Variants in TBC1D5 observed in about 807,000 individuals in gnomAD.
TBC1D5 encodes TBC1 domain family member 5, also known as TBC1 domain family, member 5.
TBC1D5 carries 75 observed loss-of-function variants against 100.3 expected under a neutral mutation model. The observed-to-expected ratio is 0.75, with a 90% CI of 0.62 to 0.91. The LOEUF (loss-of-function observed/expected upper bound fraction) is 0.91. Among genes scored for constraint, TBC1D5 ranks in the 40% least tolerant of loss-of-function variants. The pLI is 0.00. For synonymous variants in TBC1D5, 323 were observed against 325.6 expected (o/e 0.99, Z 0.09); for missense variants, 910 against 942.4 (o/e 0.97, Z 0.45).
chr3:17,391,386 G>T (rs1359518265), intron 8 of TBC1D5, among the ~76,000 whole-genome samples: 1 of 151,986 alleles, frequency 6.6e-6, no homozygotes, highest in Non-Finnish European at 1.5e-5. Context: ...CCACGTGACT[G>T]CAATCTCATG....
intron 1 of TBC1D5, among the ~76,000 whole-genome samples, chr3:17,698,238 G>T (rs568597106): frequency 6.6e-6 from 1 of 152,078 alleles, no homozygotes; most frequent in African/African-American, 2.4e-5. Flanking sequence ...AAATAACGCC[G>T]CATATCTACA....
chr3:17,705,274 C>G (rs1198056902), intron 1 of TBC1D5, among the ~76,000 whole-genome samples: 2 of 78,288 alleles, frequency 2.6e-5, no homozygotes. Flanking sequence ...TCCCGGACGG[C>G]ACGGCTGGCC....
chr3:17,498,600 T>C (rs1173401416), intron 3 of TBC1D5, among the ~76,000 whole-genome samples: 1 of 152,112 alleles, frequency 6.6e-6, no homozygotes, highest in Non-Finnish European at 1.5e-5. Flanking sequence ...AAATGAGACA[T>C]ACAATTTATA....
chr3:17,418,540 G>A lies in TBC1D5; in HGVS notation c.167+9910C>T, dbSNP rs147630691. ...TGAGAATCACTTGAACCCAGGAAGT[G>A]AAGGTTGCAGTGGGCTGAGATGGCC... On this transcript the variant is annotated intron_variant, in intron 4 of 21. Coordinates refer to ENST00000253692, the Ensembl canonical transcript of TBC1D5. Among the ~76,000 whole-genome samples, 238 of 152,124 alleles carry A rather than the reference G, an allele frequency of 1.6e-3. 2 individuals carry two copies. The highest frequency in any genetic ancestry group is 5.3e-3 in the African/African-American group (220 of 41,484).
intron 1 of TBC1D5, among the ~76,000 whole-genome samples, chr3:17,708,335 A>C (rs1316980797): frequency 2.0e-5 from 3 of 152,222 alleles, no homozygotes; most frequent in African/African-American, 7.2e-5. Context: ...CGAATCACAT[A>C]TGCATAGCAC....
At chr3:17,432,905 A>C (rs2094468419) in intron 3 of TBC1D5, among the ~76,000 whole-genome samples, 1 of 152,238 alleles carries the variant, frequency 6.6e-6, no homozygotes, top group South Asian at 2.1e-4. Context: ...CTGAAAAACA[A>C]AAAGTAACTT....
At chr3:17,527,669 T>G (rs890862432) in intron 2 of TBC1D5, among the ~76,000 whole-genome samples, 5 of 151,784 alleles carry the variant, frequency 3.3e-5, no homozygotes, top group Non-Finnish European at 5.9e-5. Context: ...TATGAGAAAG[T>G]ACAAAATAAG....
chr3:17,676,826 A>G (rs1307347082), intron 1 of TBC1D5, among the ~76,000 whole-genome samples: 1 of 152,178 alleles, frequency 6.6e-6, no homozygotes, highest in African/African-American at 2.4e-5. Context: ...GGAACAGAAC[A>G]GAGGCCTCAG....
At chr3:17,183,172 G>A (rs576223210) in intron 19 of TBC1D5, among the ~76,000 whole-genome samples, 4 of 152,224 alleles carry the variant, frequency 2.6e-5, no homozygotes, top group Admixed American at 1.3e-4. Flanking sequence ...CTGTGCTGGC[G>A]CCAGCTTAAC....
chr3:17,297,792 G>A (rs902449831), intron 14 of TBC1D5, among the ~76,000 whole-genome samples: 5 of 148,788 alleles, frequency 3.4e-5, no homozygotes, highest in African/African-American at 9.9e-5. Flanking sequence ...GTCCCACTAC[G>A]TTGCCCAGGC....
In TBC1D5 at chr3:17,352,690, A is replaced by AC. The variant is rs200002405; in HGVS notation, c.995+19384_995+19385insG. Among the ~76,000 whole-genome samples the AC allele has an allele frequency of 1.7e-3, 262 of 151,082 alleles. 3 individuals are homozygous for AC. Among genetic ancestry groups the AC allele is most frequent in the African/African-American group, 5.5e-3 (226 of 41,310 alleles). ...ACAATACAAAGCAAAAGGCAAAAAA[A>AC]AAAAAAAAACAAAAAAACCTACTGT... On this transcript the variant is annotated intron_variant, in intron 13 of 21. Transcript: ENST00000253692.
chr3:17,310,411 T>C (rs2083887488), intron 13 of TBC1D5, among the ~76,000 whole-genome samples: 1 of 152,082 alleles, frequency 6.6e-6, no homozygotes, highest in South Asian at 2.1e-4. Context: ...ATTGCTTCAC[T>C]CTTTAAGTAC....
intron 9 of TBC1D5, among the ~76,000 whole-genome samples, chr3:17,383,458 C>G (rs1289541014): frequency 1.3e-5 from 2 of 151,884 alleles, no homozygotes; most frequent in Non-Finnish European, 2.9e-5. Context: ...CACAAAGGAA[C>G]TAAATACACA....
intron 13 of TBC1D5, among the ~76,000 whole-genome samples, chr3:17,368,793 T>G (rs1340186955): frequency 6.6e-6 from 1 of 152,102 alleles, no homozygotes; most frequent in East Asian, 1.9e-4. Context: ...ATAAAATATC[T>G]GGCATGCAAA....
rs1432557646 is a variant in TBC1D5 at position 17,349,343 on chromosome 3, G to GA, written c.995+22731dup. Among the ~76,000 whole-genome samples the GA allele has an allele frequency of 2.0e-5, 3 of 152,184 alleles. No individual in the cohort carries two copies. The East Asian group carries it at 5.8e-4, about 29-fold the overall frequency. ...CTGAATTTCTGACAAGCTCTCAGGT[G>GA]ATGGCTGGTGCTGCTGGTTCTGGGA... is the stretch of plus-strand genomic sequence containing the variant. On this transcript the variant is annotated intron_variant, in intron 13 of 21. Coordinates refer to ENST00000253692, the Ensembl canonical transcript of TBC1D5.
rs376956189 is a variant in TBC1D5, at chr3:17,212,079, AGTTT to A, written c.1752+2124_1752+2127del. On this transcript the variant is annotated intron_variant, in intron 18 of 21. Coordinates refer to ENST00000253692, the Ensembl canonical transcript of TBC1D5. ...AAATAATTATCTCTCAAAGGTTAATAGTTTGTTTGTTTTTCTAATTTAGGATAAT... is the reference window on the plus strand; with the variant it reads ...AAATAATTATCTCTCAAAGGTTAATAGTTTGTTTTTCTAATTTAGGATAAT... 8.5e-3 allele frequency among the ~76,000 whole-genome samples: 1,293 copies of A among 152,318 alleles called. 17 individuals are homozygous for A. The highest frequency in any genetic ancestry group is 0.021 in the South Asian group (103 of 4,832).
intron 13 of TBC1D5, among the ~76,000 whole-genome samples, chr3:17,327,896 G>A (rs891084022): frequency 6.6e-6 from 1 of 152,032 alleles, no homozygotes; most frequent in African/African-American, 2.4e-5. Flanking sequence ...ATATATATGT[G>A]TTGAATAATT....
intron 13 of TBC1D5, among the ~76,000 whole-genome samples, chr3:17,363,304 T>G (rs1291276501): frequency 6.6e-6 from 1 of 152,148 alleles, no homozygotes; most frequent in African/African-American, 2.4e-5. Context: ...AGTAAAATTA[T>G]GAGTCAAATA....
intron 2 of TBC1D5, among the ~76,000 whole-genome samples, chr3:17,599,411 T>G (rs1173325525): frequency 2.6e-5 from 4 of 152,110 alleles, no homozygotes; most frequent in African/African-American, 9.7e-5. Context: ...GATCAGAGTT[T>G]GGCTGGGGGC....
Sources: allele counts gnomAD v4.1 joint callset (sites outside exome capture counted in the v4.1 genomes callset), GRCh38; gene constraint gnomAD v4.1.1; transcripts MANE v1.5; gene names NCBI Gene and HGNC (gene_info 2026-07-23, HGNC 2026-07-21).